DUSP22: variants seen among roughly 807,000 people sequenced by gnomAD.
The protein encoded by DUSP22 is dual specificity phosphatase 22.
DUSP22 carries 24 observed loss-of-function variants against 24.5 expected under a neutral mutation model. The observed-to-expected ratio is 0.98, with a 90% CI of 0.71 to 1.38. The LOEUF is 1.38. Ranked by LOEUF, DUSP22 falls within the 40% of genes most tolerant of loss-of-function variation. The pLI is 0.00. For synonymous variants in DUSP22, 160 were observed against 106.4 expected, an observed-to-expected ratio of 1.50 and a Z score of -3.10; for missense variants, 330 against 269.2, an observed-to-expected ratio of 1.23 and a Z score of -1.58.
chr6:338,203 A>T (rs972794204), intron 4 of DUSP22: 1 of 152,358 alleles, frequency 6.6e-6, no homozygotes, highest in African/African-American at 2.4e-5. Context: ...TTCGACACAC[A>T]TATGTCCATG....
chr6:321,448 C>A (rs1460198052), intron 3 of DUSP22, among the ~76,000 whole-genome samples: 1 of 152,302 alleles, frequency 6.6e-6, no homozygotes, highest in African/African-American at 2.4e-5. Flanking sequence ...AGTTGGGTAC[C>A]CCAGAGACCC....
Position 350,734 on chromosome 6 carries a change from G to A in DUSP22, c.*1783G>A. The A allele has an allele frequency of 1.2e-6, 2 of 1,611,934 alleles. No individual in the cohort carries two copies. Among genetic ancestry groups the A allele is most frequent in the South Asian group, 1.1e-5 (1 of 90,578 alleles). On this transcript the variant is annotated 3_prime_UTR_variant, in exon 7 of 7. Coordinates refer to ENST00000419235, the MANE Select transcript of DUSP22 (RefSeq NM_001286555.3). Reference sequence around the variant, plus strand: ...GGATATAGCTTGAATGCTTAAATATGTGCACCTTTACAAACCTCTCAGTGT... The same window carrying A: ...GGATATAGCTTGAATGCTTAAATATATGCACCTTTACAAACCTCTCAGTGT...
At chr6:306,290 C>A (rs1181714104) in intron 2 of DUSP22, among the ~76,000 whole-genome samples, 1 of 152,306 alleles carries the variant, frequency 6.6e-6, no homozygotes, top group Non-Finnish European at 1.5e-5. Context: ...TAAATATGAA[C>A]CAAATTCAAC....
chr6:296,131 T>C (rs1457367502), intron 1 of DUSP22, among the ~76,000 whole-genome samples: 3 of 152,306 alleles, frequency 2.0e-5, no homozygotes, highest in Non-Finnish European at 4.4e-5. Flanking sequence ...CCTCCTCTCT[T>C]CCTTTATGTT....
chr6:342,825 A>G (rs913734007), intron 4 of DUSP22, among the ~76,000 whole-genome samples: 4 of 152,308 alleles, frequency 2.6e-5, no homozygotes, highest in East Asian at 1.9e-4. Context: ...TTGCTTCAAC[A>G]TGGACAGAGC....
At chr6:307,621 C>G (rs1757869511) in intron 2 of DUSP22, among the ~76,000 whole-genome samples, 1 of 152,306 alleles carries the variant, frequency 6.6e-6, no homozygotes, top group Admixed American at 6.5e-5. Flanking sequence ...AGAGCAGCCC[C>G]TCCCTGGGCC....
At chr6:312,045 G>A (rs1243235718) in intron 3 of DUSP22, 83 bp downstream of exon 3, 1 of 1,423,362 alleles carries the variant, frequency 7.0e-7, no homozygotes, top group African/African-American at 1.4e-5. Context: ...AGGCAACCAG[G>A]TTCTCTCCAA....
In DUSP22 at chr6:351,201, G is replaced by C. The variant is rs1378944325; in HGVS notation, c.*2250G>C. On this transcript the variant is annotated 3_prime_UTR_variant, in exon 7 of 7. Transcript: ENST00000419235. ...GCCTCCCAAGGACGAGCCCAGTGTA[G>C]TTGTGTGGCGTGAACTCTGCCCGTG... is the stretch of plus-strand genomic sequence containing the variant. 5.4e-6 allele frequency: 2 copies of C among 370,720 alleles called. No individual in the cohort carries two copies. The highest frequency in any genetic ancestry group is 3.4e-5 in the South Asian group (1 of 29,326). 23.0% of individuals were successfully genotyped at this position (370,720 alleles called of 1,614,324 possible).
At position 350,690 on chromosome 6, in the gene DUSP22, T is replaced by A; in HGVS notation, c.*1739T>A. 1 of 1,575,700 alleles carries A rather than the reference T, an allele frequency of 6.3e-7. No individual in the cohort carries two copies. The highest frequency in any genetic ancestry group is 8.6e-7 in the Non-Finnish European group (1 of 1,161,044). ...TTTTCCTAAGCCAAAAATAAATACG[T>A]TAACAGAAAAATGATTTAGGATATA... is the stretch of plus-strand genomic sequence containing the variant. On this transcript the variant is annotated 3_prime_UTR_variant, in exon 7 of 7. Coordinates refer to ENST00000419235, the MANE Select transcript of DUSP22 (RefSeq NM_001286555.3).
In DUSP22 at chr6:333,865, G is replaced by A. The variant is rs571789793; in HGVS notation, c.139-1249G>A. 3.5e-4 allele frequency among the ~76,000 whole-genome samples: 53 copies of A among 152,396 alleles called. No homozygotes were observed. In the Middle Eastern group the frequency reaches 0.01, roughly 29 times the overall value. On this transcript the variant is annotated intron_variant, in intron 3 of 6. Transcript: ENST00000419235. ...AGGGCCAGGTGGGGAGTCCCTAATC[G>A]CGAGGGAGGTTGGGACATGAAGTGT...
intron 2 of DUSP22, among the ~76,000 whole-genome samples, chr6:307,581 A>G (rs993513684): frequency 6.6e-6 from 1 of 152,298 alleles, no homozygotes; most frequent in Non-Finnish European, 1.5e-5. Flanking sequence ...CCCAGAAGCC[A>G]GGAGGGAAGG....
intron 3 of DUSP22, among the ~76,000 whole-genome samples, chr6:312,893 T>C (rs1266042080): frequency 1.3e-5 from 2 of 152,284 alleles, no homozygotes; most frequent in African/African-American, 2.4e-5. Flanking sequence ...CAGAGAATCA[T>C]AGGTGGTGAA....
chr6:292,747 C>A (rs113341688), intron 1 of DUSP22, among the ~76,000 whole-genome samples, 187 bp downstream of exon 1: 1 of 152,224 alleles, frequency 6.6e-6, no homozygotes, highest in South Asian at 2.1e-4. Context: ...CCCGCCCCCA[C>A]CCCACCCGGC....
chr6:300,408 A>G (rs1757525794), intron 1 of DUSP22, among the ~76,000 whole-genome samples: 1 of 152,302 alleles, frequency 6.6e-6, no homozygotes, highest in South Asian at 2.1e-4. Context: ...TCACACAATC[A>G]ACTTTGCACT....
At chr6:339,843 CTTTTA>C (rs1360923341) in intron 4 of DUSP22, among the ~76,000 whole-genome samples, 4 of 152,272 alleles carry the variant, frequency 2.6e-5, no homozygotes, top group East Asian at 1.9e-4. Context: ...TTACGTTTTT[CTTTTA>C]TTTTATTATA....
intron 5 of DUSP22, among the ~76,000 whole-genome samples, chr6:347,498 G>C (rs1487777054): frequency 6.6e-6 from 1 of 152,298 alleles, no homozygotes; most frequent in Non-Finnish European, 1.5e-5. Flanking sequence ...GCCTGCTCCA[G>C]GTAACTGACC....
At chr6:307,008 C>T (rs1757839955) in intron 2 of DUSP22, among the ~76,000 whole-genome samples, 2 of 152,428 alleles carry the variant, frequency 1.3e-5, no homozygotes, top group South Asian at 4.1e-4. Context: ...CTGCTACTGC[C>T]ATGGGAGCCC....
At chr6:339,744 C>T (rs1204656410) in intron 4 of DUSP22, among the ~76,000 whole-genome samples, 5 of 152,420 alleles carry the variant, frequency 3.3e-5, no homozygotes, top group East Asian at 1.9e-4. Flanking sequence ...ATCGGTAAAA[C>T]GTCCTTGCCT....
intron 1 of DUSP22, among the ~76,000 whole-genome samples, chr6:297,915 A>G (rs1757415728): frequency 6.6e-6 from 1 of 152,308 alleles, no homozygotes; most frequent in South Asian, 2.1e-4. Flanking sequence ...CCATATTGTT[A>G]TTGAACACAG....
Sources: allele counts gnomAD v4.1 joint callset (sites outside exome capture counted in the v4.1 genomes callset), GRCh38; gene constraint gnomAD v4.1.1; transcripts MANE v1.5; gene names NCBI Gene and HGNC (gene_info 2026-07-23, HGNC 2026-07-21).